Variants in CFAP58 observed in about 807,000 individuals in gnomAD.
CFAP58 encodes the protein cilia- and flagella-associated protein 58.
CFAP58 carries 88 observed loss-of-function variants against 119.5 expected under a neutral mutation model. The observed-to-expected ratio is 0.74, with a 90% CI of 0.62 to 0.88. The LOEUF (loss-of-function observed/expected upper bound fraction) is 0.88, where lower values mean the gene tolerates loss of function less well. CFAP58 is among the 40% of genes least tolerant of loss of function. The probability of loss-of-function intolerance (pLI) is 0.00; values close to 1 mark genes in which losing one functional copy is unlikely to be tolerated. For synonymous variants in CFAP58, 365 were observed against 366.3 expected, an observed-to-expected ratio of 1.00 and a Z score of 0.04; for missense variants, 990 against 1,021.2, an observed-to-expected ratio of 0.97 and a Z score of 0.42.
intron 1 of CFAP58, among the ~76,000 whole-genome samples, chr10:104,356,572 A>G (rs1420108182): frequency 6.6e-6 from 1 of 152,198 alleles, no homozygotes; most frequent in Non-Finnish European, 1.5e-5. Flanking sequence ...CCTGCAGAAT[A>G]ATGCAATCCG....
chr10:104,363,557 G>A (rs34371476), intron 3 of CFAP58, among the ~76,000 whole-genome samples: 2,285 of 152,268 alleles, frequency 0.015, 20 homozygotes, highest in Non-Finnish European at 0.022. Context: ...AGAGGAATGC[G>A]AGGGAACTGA....
intron 9 of CFAP58, among the ~76,000 whole-genome samples, chr10:104,383,812 T>C (rs1389207823): frequency 6.7e-6 from 1 of 149,482 alleles, no homozygotes; most frequent in East Asian, 2.0e-4. Context: ...AGCTCCCTTA[T>C]GTGCATTCTA....
At chr10:104,402,575 G>A (rs980442453) in intron 13 of CFAP58, among the ~76,000 whole-genome samples, 5 of 152,126 alleles carry the variant, frequency 3.3e-5, no homozygotes, top group Non-Finnish European at 7.4e-5. Flanking sequence ...TGTCTCATTC[G>A]ATAGGGCGAC....
intron 11 of CFAP58, among the ~76,000 whole-genome samples, chr10:104,394,478 A>G (rs1036379306): frequency 1.3e-5 from 2 of 152,214 alleles, no homozygotes; most frequent in African/African-American, 4.8e-5. Context: ...GGCAGGCTCA[A>G]TGCCATATTT....
At chr10:104,339,556 T>C in the CFAP58 span, among the ~76,000 whole-genome samples, 1 of 152,208 alleles carries the variant, frequency 6.6e-6, no homozygotes, top group African/African-American at 2.4e-5. Context: ...GTGTCCAAAA[T>C]GATCACCATT....
At chr10:104,417,071 T>C (rs1039515346) in intron 15 of CFAP58, among the ~76,000 whole-genome samples, 10 of 152,224 alleles carry the variant, frequency 6.6e-5, no homozygotes, top group African/African-American at 2.4e-4. Flanking sequence ...AGAATCTGCA[T>C]TTTAAGCAGA....
intron 15 of CFAP58, among the ~76,000 whole-genome samples, chr10:104,434,386 G>C (rs1404943257): frequency 6.6e-6 from 1 of 152,108 alleles, no homozygotes; most frequent in Non-Finnish European, 1.5e-5. Context: ...CATTGTCTAG[G>C]CTGACTCTTG....
At chr10:104,438,341 GTT>G (rs1325921091) in intron 15 of CFAP58, among the ~76,000 whole-genome samples, 57 of 101,308 alleles carry the variant, frequency 5.6e-4, no homozygotes, top group African/African-American at 2.5e-3. Context: ...TTTGTTTTTT[GTT>G]TTTTGTTTTT....
At chr10:104,358,084 T>TAC (rs199861407) in intron 1 of CFAP58, among the ~76,000 whole-genome samples, 3 of 138,928 alleles carry the variant, frequency 2.2e-5, no homozygotes, top group Middle Eastern at 4.0e-3. Flanking sequence ...TACATATATA[T>TAC]ACACACATAT....
the CFAP58 span, among the ~76,000 whole-genome samples, chr10:104,344,472 G>T: frequency 1.3e-5 from 2 of 152,136 alleles, no homozygotes; most frequent in Admixed American, 1.3e-4. Flanking sequence ...GTCTATGGCT[G>T]CTCTGGGGCT....
In CFAP58 at chr10:104,411,305, TAG is replaced by T. The variant is rs539345514; in HGVS notation, c.2256+4516_2256+4517del. On this transcript the variant is annotated intron_variant, in intron 15 of 17. Transcript: ENST00000369704. ...TTTCAATTATTTTATTTTTATTTTA[TAG>T]AGACTCTTTTTCACATATGCCTGGT... Among the ~76,000 whole-genome samples the T allele has an allele frequency of 5.3e-5, 8 of 152,334 alleles. No homozygotes were observed. In the East Asian group the frequency reaches 1.5e-3, roughly 29 times the overall value.
chr10:104,411,634 C>T (rs1484411489), intron 15 of CFAP58, among the ~76,000 whole-genome samples: 1 of 151,924 alleles, frequency 6.6e-6, no homozygotes, highest in Non-Finnish European at 1.5e-5. Context: ...GTATCATTTG[C>T]TTAGAATAAT....
In CFAP58 at chr10:104,393,487, A is replaced by T. The variant is rs1250515436; in HGVS notation, c.1674+12A>T. The T allele has an allele frequency of 1.2e-6, 2 of 1,605,326 alleles. No homozygotes were observed. Among genetic ancestry groups the T allele is most frequent in the African/African-American group, 2.7e-5 (2 of 74,650 alleles). ...AGGAAACATTGAAGGTACTGACCTC[A>T]TAGTAAAAGCAAAGTACCAACAGTT... is the stretch of plus-strand genomic sequence containing the variant. On this transcript the variant is annotated intron_variant, in intron 11 of 17. Coordinates refer to ENST00000369704, the MANE Select transcript of CFAP58 (RefSeq NM_001008723.2).
chr10:104,409,100 A>C (rs2012416119), intron 15 of CFAP58, among the ~76,000 whole-genome samples: 2 of 1,114 alleles, frequency 1.8e-3, no homozygotes, highest in Non-Finnish European at 2.6e-3. Flanking sequence ...ACCCCGTCTC[A>C]TAAAAAAAAA....
the CFAP58 span, among the ~76,000 whole-genome samples, chr10:104,341,236 ATTCTTTAT>A: frequency 9.2e-5 from 14 of 151,922 alleles, no homozygotes; most frequent in Non-Finnish European, 1.6e-4. Context: ...AAATTAAAAT[ATTCTTTAT>A]ATTATTTTAA....
At chr10:104,357,478 C>T (rs1299242971) in intron 1 of CFAP58, among the ~76,000 whole-genome samples, 1 of 152,140 alleles carries the variant, frequency 6.6e-6, no homozygotes, top group Non-Finnish European at 1.5e-5. Context: ...CTGGCCTCAA[C>T]ACACCGTGGC....
chr10:104,447,774 A>G lies in CFAP58; in HGVS notation c.2333A>G (p.Lys778Arg). 6.2e-7 allele frequency: 1 copy of G among 1,614,126 alleles called. No individual in the cohort carries two copies. Among genetic ancestry groups the G allele is most frequent in the Non-Finnish European group, 8.5e-7 (1 of 1,179,984 alleles). Reference protein sequence around the residue: ...QPGPEAAEQLKLYRRTLHDKK... With the variant: ...QPGPEAAEQLRLYRRTLHDKK... ...GGACCTGAGGCTGCGGAACAGCTGA[A>G]GCTGTACCGACGCACGCTGCATGAC... Residue 778 changes from lysine to arginine, a missense_variant, in exon 16 of 18, where the codon AAG (lysine) becomes AGG (arginine). Lys to Arg is a conservative substitution (Grantham distance 26). Transcript: ENST00000369704.
At chr10:104,447,870 A>G (rs2013135789) in intron 16 of CFAP58, 53 bp downstream of exon 16, 1 of 1,536,214 alleles carries the variant, frequency 6.5e-7, no homozygotes, top group Non-Finnish European at 8.8e-7. Flanking sequence ...CACTCTGGGG[A>G]GCACACCTGG....
intron 15 of CFAP58, among the ~76,000 whole-genome samples, chr10:104,407,989 C>T (rs928552950): frequency 2.0e-5 from 3 of 152,200 alleles, no homozygotes; most frequent in Non-Finnish European, 4.4e-5. Flanking sequence ...AGCCACTGTG[C>T]CCAGCCCCAA....
Sources: allele counts gnomAD v4.1 joint callset (sites outside exome capture counted in the v4.1 genomes callset), GRCh38; gene constraint gnomAD v4.1.1; transcripts MANE v1.5; gene names NCBI Gene and HGNC (gene_info 2026-07-23, HGNC 2026-07-21).